EYS: variants seen among roughly 807,000 people sequenced by gnomAD.
EYS encodes the protein EGF-like photoreceptor maintenance factor.
Under a neutral mutation model 282.1 loss-of-function variants are expected in EYS, and 250 were observed. That is an observed-to-expected ratio of 0.89 (90% CI 0.80 to 0.98). The LOEUF (loss-of-function observed/expected upper bound fraction) is 0.98, where lower values mean the gene tolerates loss of function less well. Ranked by LOEUF, EYS falls within the 50% of genes least tolerant of loss-of-function variation. The probability of loss-of-function intolerance (pLI) is 0.00; values close to 1 mark genes in which losing one functional copy is unlikely to be tolerated. For missense variants in EYS, 4,016 were observed against 3,709.0 expected (o/e 1.08, Z -2.15); for synonymous variants, 1,355 against 1,282.9 (o/e 1.06, Z -1.20).
At chr6:63,755,278 T>TGATTG (rs1315735492) in intron 41 of EYS, among the ~76,000 whole-genome samples, 2 of 152,096 alleles carry the variant, frequency 1.3e-5, no homozygotes, top group East Asian at 3.9e-4. Flanking sequence ...GCCTATATCC[T>TGATTG]GTTTAATCCA....
At chr6:65,701,155 C>T (rs1210401771) in intron 1 of EYS, among the ~76,000 whole-genome samples, 1 of 152,002 alleles carries the variant, frequency 6.6e-6, no homozygotes, top group African/African-American at 2.4e-5. Flanking sequence ...ATATTTCTTC[C>T]TCAAAGAGTA....
chr6:65,280,731 C>T (rs1000759743), intron 12 of EYS, among the ~76,000 whole-genome samples: 4 of 151,532 alleles, frequency 2.6e-5, no homozygotes, highest in Non-Finnish European at 5.9e-5. Context: ...GAAATAATAA[C>T]ACCTGGCTGG....
At chr6:65,123,577 C>T (rs1775627402) in intron 12 of EYS, among the ~76,000 whole-genome samples, 1 of 152,016 alleles carries the variant, frequency 6.6e-6, no homozygotes. Context: ...GAAATAATTG[C>T]AATTGAGGAA....
intron 31 of EYS, among the ~76,000 whole-genome samples, chr6:64,125,439 G>T (rs754622793): frequency 8.6e-5 from 13 of 151,550 alleles, no homozygotes; most frequent in Non-Finnish European, 1.6e-4. Flanking sequence ...TTACCAGCTT[G>T]CCCAATTGTA....
At chr6:64,283,655 G>A (rs1768390883) in intron 30 of EYS, among the ~76,000 whole-genome samples, 1 of 152,142 alleles carries the variant, frequency 6.6e-6, no homozygotes, top group Non-Finnish European at 1.5e-5. Context: ...TTTTGGATAT[G>A]CTTCTGTATT....
chr6:65,311,240 T>C (rs1030779663), intron 11 of EYS, among the ~76,000 whole-genome samples: 5 of 152,168 alleles, frequency 3.3e-5, no homozygotes, highest in Admixed American at 3.3e-4. Flanking sequence ...ACAAAGTACT[T>C]GGACATGTTT....
chr6:64,537,322 A>ATGT (rs1437407060), intron 26 of EYS, among the ~76,000 whole-genome samples: 7 of 151,318 alleles, frequency 4.6e-5, no homozygotes, highest in Middle Eastern at 6.8e-3. Context: ...CCATGTCCCT[A>ATGT]CAAAGGACAT....
intron 41 of EYS, among the ~76,000 whole-genome samples, chr6:63,750,106 ATAGTT>A (rs1333288996): frequency 6.6e-6 from 1 of 152,072 alleles, no homozygotes; most frequent in Non-Finnish European, 1.5e-5. Context: ...GTTTTTTAAT[ATAGTT>A]TATTTATCTT....
At chr6:65,286,114 C>A (rs9363340) in intron 12 of EYS, among the ~76,000 whole-genome samples, 1 of 151,720 alleles carries the variant, frequency 6.6e-6, no homozygotes, top group East Asian at 1.9e-4. Context: ...AATTAATTCT[C>A]ATTGAAAATG....
intron 36 of EYS, among the ~76,000 whole-genome samples, chr6:63,860,994 C>A (rs549195154): frequency 6.6e-6 from 1 of 152,156 alleles, no homozygotes; most frequent in African/African-American, 2.4e-5. Context: ...TGGTTTTAAA[C>A]ACCACCTTTA....
chr6:65,280,865 A>AATAT (rs1554178611), intron 12 of EYS, among the ~76,000 whole-genome samples: 20 of 135,940 alleles, frequency 1.5e-4, no homozygotes, highest in African/African-American at 4.1e-4. Flanking sequence ...TAAAAAAAAA[A>AATAT]ATATATATAT....
At chr6:65,432,991 G>A (rs1767941078) in intron 5 of EYS, among the ~76,000 whole-genome samples, 1 of 152,090 alleles carries the variant, frequency 6.6e-6, no homozygotes, top group African/African-American at 2.4e-5. Context: ...GGGAGGAATG[G>A]GAGGGGGTGG....
intron 35 of EYS, among the ~76,000 whole-genome samples, chr6:63,973,027 A>G (rs1321667780): frequency 6.6e-6 from 1 of 152,036 alleles, no homozygotes; most frequent in Non-Finnish European, 1.5e-5. Context: ...TAGTAGCATG[A>G]TTTATAATCA....
chr6:65,117,291 A>G (rs1428775177), intron 12 of EYS, among the ~76,000 whole-genome samples: 2 of 152,198 alleles, frequency 1.3e-5, no homozygotes, highest in Non-Finnish European at 2.9e-5. Flanking sequence ...AATTAGACAA[A>G]GCACCTTCTA....
At chr6:65,294,238 A>T (rs1768603520) in intron 12 of EYS, among the ~76,000 whole-genome samples, 1 of 150,196 alleles carries the variant, frequency 6.7e-6, no homozygotes, top group Non-Finnish European at 1.5e-5. Context: ...TTAACTCTGC[A>T]TCCCTGGGAA....
At chr6:65,249,998 A>G (rs958984684) in intron 12 of EYS, among the ~76,000 whole-genome samples, 1 of 152,036 alleles carries the variant, frequency 6.6e-6, no homozygotes, top group Admixed American at 6.6e-5. Context: ...AGGTTCAAGC[A>G]TTGGGCCCGG....
At chr6:64,235,074 T>G (rs1362462854) in intron 30 of EYS, among the ~76,000 whole-genome samples, 10 of 137,252 alleles carry the variant, frequency 7.3e-5, no homozygotes. Flanking sequence ...TATTTTTTAT[T>G]TTTTTATTTT....
intron 1 of EYS, among the ~76,000 whole-genome samples, chr6:65,674,688 T>C (rs1321107241): frequency 6.6e-6 from 1 of 151,840 alleles, no homozygotes; most frequent in South Asian, 2.1e-4. Context: ...TTAACAAAAG[T>C]TGAGGTAGTT....
chr6:63,970,145 C>T (rs936683145), intron 35 of EYS, among the ~76,000 whole-genome samples: 4 of 152,332 alleles, frequency 2.6e-5, no homozygotes, highest in South Asian at 4.1e-4. Flanking sequence ...ATCTGTGACT[C>T]CAGGGCCCTG....
Sources: allele counts gnomAD v4.1 joint callset (sites outside exome capture counted in the v4.1 genomes callset), GRCh38; gene constraint gnomAD v4.1.1; transcripts MANE v1.5; gene names NCBI Gene and HGNC (gene_info 2026-07-23, HGNC 2026-07-21).